ROR1: variants seen among roughly 807,000 people sequenced by gnomAD.
The protein encoded by ROR1 is ROR family WNT receptor 1, also known as inactive tyrosine-protein kinase transmembrane receptor ROR1.
ROR1 carries 19 observed loss-of-function variants against 78.8 expected under a neutral mutation model. That is an observed-to-expected ratio of 0.24 (90% CI 0.17 to 0.35). The LOEUF is 0.35. Among genes scored for constraint, ROR1 ranks in the 10% least tolerant of loss-of-function variants. The probability of loss-of-function intolerance (pLI) is 1.00; values close to 1 mark genes in which losing one functional copy is unlikely to be tolerated. For synonymous variants in ROR1, 386 were observed against 433.6 expected, an observed-to-expected ratio of 0.89 and a Z score of 1.36; for missense variants, 917 against 1,177.8, an observed-to-expected ratio of 0.78 and a Z score of 3.24.
intron 1 of ROR1, among the ~76,000 whole-genome samples, chr1:63,940,930 G>A (rs1645833897): frequency 1.3e-5 from 2 of 152,170 alleles, no homozygotes; most frequent in Non-Finnish European, 2.9e-5. Flanking sequence ...AGCATCATTT[G>A]TGTAGTATTC....
intron 4 of ROR1, among the ~76,000 whole-genome samples, chr1:64,056,736 T>A (rs1443553503): frequency 1.3e-5 from 2 of 151,924 alleles, no homozygotes; most frequent in Non-Finnish European, 2.9e-5. Flanking sequence ...TGGTATCTCA[T>A]TGTGGTTTTG....
At chr1:63,779,812 T>G (rs1644640172) in intron 1 of ROR1, among the ~76,000 whole-genome samples, 1 of 152,088 alleles carries the variant, frequency 6.6e-6, no homozygotes, top group Non-Finnish European at 1.5e-5. Flanking sequence ...CTTCATCCCC[T>G]GCCCCCAGCC....
At chr1:63,975,324 G>C (rs998061016) in intron 1 of ROR1, among the ~76,000 whole-genome samples, 2 of 152,204 alleles carry the variant, frequency 1.3e-5, no homozygotes, top group Non-Finnish European at 2.9e-5. Flanking sequence ...GATATATCTT[G>C]TTAATAGAAT....
At chr1:63,840,116 A>G (rs558236782) in intron 1 of ROR1, among the ~76,000 whole-genome samples, 1 of 152,256 alleles carries the variant, frequency 6.6e-6, no homozygotes, top group Admixed American at 6.5e-5. Flanking sequence ...CCAAAGCCCT[A>G]CACTTTGAGT....
intron 1 of ROR1, among the ~76,000 whole-genome samples, chr1:63,855,673 G>T (rs778749878): frequency 6.8e-6 from 1 of 147,862 alleles, no homozygotes; most frequent in Non-Finnish European, 1.5e-5. Flanking sequence ...TTTTTGAGAC[G>T]TAGTCTTGCT....
At chr1:63,957,824 C>T (rs908409381) in intron 1 of ROR1, among the ~76,000 whole-genome samples, 16 of 151,418 alleles carry the variant, frequency 1.1e-4, no homozygotes, top group African/African-American at 3.9e-4. Flanking sequence ...CTCACTGCAA[C>T]TTCCGCCTCC....
At chr1:64,070,883 G>C (rs1646997981) in intron 4 of ROR1, among the ~76,000 whole-genome samples, 2 of 152,172 alleles carry the variant, frequency 1.3e-5, no homozygotes, top group Non-Finnish European at 2.9e-5. Flanking sequence ...AGTAATGTCT[G>C]GGGGTAGGAA....
intron 1 of ROR1, among the ~76,000 whole-genome samples, chr1:64,007,120 T>C (rs981502070): frequency 1.3e-5 from 2 of 152,194 alleles, no homozygotes; most frequent in African/African-American, 4.8e-5. Flanking sequence ...AGACCTGGGT[T>C]TGAATTGCAA....
chr1:63,873,451 C>G (rs974104807), intron 1 of ROR1, among the ~76,000 whole-genome samples: 66 of 152,116 alleles, frequency 4.3e-4, no homozygotes, highest in Admixed American at 8.5e-4. Context: ...TGAAGCAACA[C>G]CCAGAAGGAG....
chr1:64,151,630 T>C (rs542768016), intron 7 of ROR1, among the ~76,000 whole-genome samples: 5 of 151,592 alleles, frequency 3.3e-5, no homozygotes, highest in African/African-American at 4.8e-5. Context: ...CCTAGCACTT[T>C]GGGAGGCCGA....
intron 1 of ROR1, chr1:63,789,289 G>C (rs936005595): frequency 1.8e-6 from 1 of 543,520 alleles, no homozygotes; most frequent in Admixed American, 2.3e-5. Context: ...CTCTTCTGAA[G>C]CCTGAGCATA....
intron 1 of ROR1, among the ~76,000 whole-genome samples, chr1:63,967,632 T>C (rs557560836): frequency 1.3e-5 from 2 of 152,352 alleles, no homozygotes; most frequent in South Asian, 4.1e-4. Flanking sequence ...ATTTAGAAGA[T>C]GTTCCGTTGG....
In ROR1 at chr1:63,900,373, G is replaced by C. The variant is rs527599208; in HGVS notation, c.92-108932G>C. 3.3e-5 allele frequency among the ~76,000 whole-genome samples: 5 copies of C among 151,112 alleles called. No homozygotes were observed. In the East Asian group the frequency reaches 9.8e-4, roughly 30 times the overall value. On this transcript the variant is annotated intron_variant, in intron 1 of 8. Coordinates refer to ENST00000371079, the MANE Select transcript of ROR1 (RefSeq NM_005012.4). ...GGAGGCTGAGGCAGGATAATCGCTT[G>C]AGCCTGGGAGGTGGAAGTTGCAGTG... is the stretch of plus-strand genomic sequence containing the variant.
At chr1:63,848,595 C>CT (rs1177643714) in intron 1 of ROR1, among the ~76,000 whole-genome samples, 2 of 151,886 alleles carry the variant, frequency 1.3e-5, no homozygotes, top group African/African-American at 4.8e-5. Flanking sequence ...TAAAATTATT[C>CT]TTTTTGCTTA....
intron 1 of ROR1, among the ~76,000 whole-genome samples, chr1:63,903,008 C>T (rs1390100818): frequency 6.6e-6 from 1 of 152,186 alleles, no homozygotes; most frequent in Non-Finnish European, 1.5e-5. Flanking sequence ...AAAGCTTGCT[C>T]AGAAACCCTA....
At chr1:63,935,750 G>C (rs1206007357) in intron 1 of ROR1, among the ~76,000 whole-genome samples, 1 of 152,220 alleles carries the variant, frequency 6.6e-6, no homozygotes, top group African/African-American at 2.4e-5. Flanking sequence ...GGAGCAGGAA[G>C]GAGCCTTTAA....
intron 1 of ROR1, among the ~76,000 whole-genome samples, chr1:63,817,998 T>C (rs536703966): frequency 9.5e-4 from 145 of 152,348 alleles, no homozygotes; most frequent in African/African-American, 3.2e-3. Flanking sequence ...GGCTCTGTTA[T>C]CAGTGAGGCA....
intron 1 of ROR1, among the ~76,000 whole-genome samples, chr1:63,957,438 C>T (rs1039357682): frequency 6.6e-6 from 1 of 152,124 alleles, no homozygotes. Flanking sequence ...TCCATGATGC[C>T]AACAAGCAAA....
chr1:63,788,691 T>A, intron 1 of ROR1: 1 of 327,310 alleles, frequency 3.1e-6, no homozygotes, highest in Non-Finnish European at 6.1e-6. Flanking sequence ...CAGAAGCCAG[T>A]ATGTACAGAC....
Sources: gnomAD v4.1 joint callset for allele counts (sites outside exome capture counted in the v4.1 genomes callset) on GRCh38, gnomAD v4.1.1 for gene constraint, MANE v1.5 for transcripts, NCBI Gene and HGNC (gene_info 2026-07-23, HGNC 2026-07-21) for gene names.